Variants in QKI observed in about 807,000 individuals in gnomAD.
The protein encoded by QKI is QKI, KH domain containing RNA binding, also known as KH domain-containing RNA-binding protein QKI.
Under a neutral mutation model 39.0 loss-of-function variants are expected in QKI, and 10 were observed. The observed-to-expected ratio is 0.26, with a 90% CI of 0.16 to 0.43. The LOEUF is 0.43. Ranked by LOEUF, QKI falls within the 20% of genes least tolerant of loss-of-function variation. QKI has a pLI of 1.00. For synonymous variants in QKI, 204 were observed against 155.4 expected, an observed-to-expected ratio of 1.31 and a Z score of -2.33; for missense variants, 218 against 428.0, an observed-to-expected ratio of 0.51 and a Z score of 4.33.
intron 3 of QKI, among the ~76,000 whole-genome samples, chr6:163,507,999 T>C (rs1779205757): frequency 6.6e-6 from 1 of 151,960 alleles, no homozygotes; most frequent in Non-Finnish European, 1.5e-5. Context: ...ATGGAAAATT[T>C]AAAACTGAAA....
At chr6:163,436,872 A>G (rs1432855485) in intron 1 of QKI, among the ~76,000 whole-genome samples, 2 of 151,110 alleles carry the variant, frequency 1.3e-5, no homozygotes, top group Non-Finnish European at 1.5e-5. Context: ...TAAATTGTAT[A>G]TTTTTCATTG....
chr6:163,560,537 G>A (rs1239129713), intron 4 of QKI, among the ~76,000 whole-genome samples: 1 of 152,092 alleles, frequency 6.6e-6, no homozygotes, highest in East Asian at 1.9e-4. Context: ...GGCAGAGAGT[G>A]CGCAGGGGAG....
intron 3 of QKI, among the ~76,000 whole-genome samples, chr6:163,511,218 GA>G (rs544985907): frequency 1.2e-4 from 18 of 152,236 alleles, no homozygotes; most frequent in African/African-American, 4.3e-4. Context: ...AACAATTTAT[GA>G]GATGAAGCTA....
At chr6:163,508,504 TTTTCTTTCTTTC>T (rs142900512) in intron 3 of QKI, among the ~76,000 whole-genome samples, 3,640 of 141,006 alleles carry the variant, frequency 0.026, 165 homozygotes, top group African/African-American at 0.087. Context: ...TTTCTTTTTC[TTTTCTTTCTTTC>T]TTTCTTTCTT....
intron 1 of QKI, among the ~76,000 whole-genome samples, chr6:163,442,845 A>G (rs1429920168): frequency 6.6e-6 from 1 of 152,186 alleles, no homozygotes; most frequent in Non-Finnish European, 1.5e-5. Context: ...TTAGTAATAT[A>G]TATTTTTTAA....
chr6:163,534,644 G>T (rs1010199254), intron 3 of QKI, among the ~76,000 whole-genome samples: 1 of 152,156 alleles, frequency 6.6e-6, no homozygotes, highest in Non-Finnish European at 1.5e-5. Flanking sequence ...GTAATGTAAG[G>T]ACAGTATCAG....
chr6:163,540,270 T>C (rs1358263464), intron 4 of QKI, among the ~76,000 whole-genome samples: 1 of 152,132 alleles, frequency 6.6e-6, no homozygotes, highest in Non-Finnish European at 1.5e-5. Flanking sequence ...GGCAGACTTT[T>C]TGCTTAATAT....
intron 4 of QKI, among the ~76,000 whole-genome samples, chr6:163,547,720 A>G (rs902412302): frequency 2.0e-5 from 3 of 151,840 alleles, no homozygotes; most frequent in Non-Finnish European, 4.4e-5. Context: ...GCTCCTTCCC[A>G]TCTATATCAT....
rs140283589 is a variant in QKI, at chr6:163,493,650, G to A, written c.402+14754G>A. 3.3e-5 allele frequency among the ~76,000 whole-genome samples: 5 copies of A among 152,238 alleles called. No individual in the cohort carries two copies. In the East Asian group the frequency reaches 9.7e-4, roughly 29 times the overall value. ...CCACTGAGGTGGGAGGATCATTTGA[G>A]CTTAGGAGTTCGAGACCACCTTGGA... On this transcript the variant is annotated intron_variant, in intron 3 of 7. Coordinates refer to ENST00000361752, the MANE Select transcript of QKI (RefSeq NM_006775.3).
rs1787274102 is a variant in QKI, at chr6:163,414,764, A to T, written c.-430A>T. ...CGGCAGAGGCGCCGCGGCGGGGACC[A>T]GCCCAGAGAGACCCCCCGAGCCCGC... On this transcript the variant is annotated 5_prime_UTR_variant, in exon 1 of 8. Transcript: ENST00000361752. 1 of 147,472 alleles carries T rather than the reference A, an allele frequency of 6.8e-6. No homozygotes were observed. 9.1% of individuals were successfully genotyped at this position (147,472 alleles called of 1,614,324 possible).
intron 2 of QKI, among the ~76,000 whole-genome samples, chr6:163,476,182 T>C (rs1362982041): frequency 6.6e-6 from 1 of 152,002 alleles, no homozygotes; most frequent in South Asian, 2.1e-4. Context: ...TAATAAATAT[T>C]GGAGAGGAAG....
At position 163,487,541 on chromosome 6, in the gene QKI, T is replaced by C. The variant is rs115002626; in HGVS notation, c.402+8645T>C. 2.5e-3 allele frequency among the ~76,000 whole-genome samples: 386 copies of C among 152,328 alleles called. 2 individuals carry two copies. The highest frequency in any genetic ancestry group is 8.8e-3 in the African/African-American group (364 of 41,576). ...TTAAAATAATTTGTTTTAATGAGCATACAAATGAGGGTCATCTACATTGTA... is the reference window on the plus strand; with the variant it reads ...TTAAAATAATTTGTTTTAATGAGCACACAAATGAGGGTCATCTACATTGTA... On this transcript the variant is annotated intron_variant, in intron 3 of 7. Coordinates refer to ENST00000361752, the MANE Select transcript of QKI (RefSeq NM_006775.3).
chr6:163,529,987 A>G (rs1440775931), intron 3 of QKI, among the ~76,000 whole-genome samples: 1 of 152,198 alleles, frequency 6.6e-6, no homozygotes, highest in Non-Finnish European at 1.5e-5. Flanking sequence ...GGAGGTCTAG[A>G]AATCAGGGGG....
intron 1 of QKI, among the ~76,000 whole-genome samples, chr6:163,418,924 T>G (rs1357815417): frequency 1.3e-5 from 2 of 152,090 alleles, no homozygotes; most frequent in African/African-American, 4.8e-5. Flanking sequence ...TTTTGAGTTT[T>G]CAATTTTTTA....
chr6:163,497,639 TAAAAAAA>T (rs57352765), intron 3 of QKI, among the ~76,000 whole-genome samples: 1 of 148,412 alleles, frequency 6.7e-6, no homozygotes, highest in East Asian at 2.0e-4. Flanking sequence ...TATTGTTTGT[TAAAAAAA>T]AAAAATCCAT....
At chr6:163,516,009 T>A (rs1236767879) in intron 3 of QKI, among the ~76,000 whole-genome samples, 1 of 72,774 alleles carries the variant, frequency 1.4e-5, no homozygotes, top group Non-Finnish European at 2.8e-5. Context: ...GTCACCTCAT[T>A]GTGATATAAT....
At chr6:163,511,870 C>T (rs1198106395) in intron 3 of QKI, among the ~76,000 whole-genome samples, 1 of 151,938 alleles carries the variant, frequency 6.6e-6, no homozygotes, top group Non-Finnish European at 1.5e-5. Context: ...ACCATTGTTA[C>T]TGTGATACTA....
At chr6:163,438,530 C>G (rs911477323) in intron 1 of QKI, among the ~76,000 whole-genome samples, 1 of 152,040 alleles carries the variant, frequency 6.6e-6, no homozygotes, top group Non-Finnish European at 1.5e-5. Context: ...CTTTTTTGTT[C>G]CTAGGCTGCA....
At chr6:163,433,656 A>G (rs1432030235) in intron 1 of QKI, among the ~76,000 whole-genome samples, 1 of 152,064 alleles carries the variant, frequency 6.6e-6, no homozygotes, top group Non-Finnish European at 1.5e-5. Flanking sequence ...AGTCCCAGCT[A>G]CTGGGGAGGC....
Sources: gnomAD v4.1 joint callset for allele counts (sites outside exome capture counted in the v4.1 genomes callset) on GRCh38, gnomAD v4.1.1 for gene constraint, MANE v1.5 for transcripts, NCBI Gene and HGNC (gene_info 2026-07-23, HGNC 2026-07-21) for gene names.